The following NAV3 variants were observed in gnomAD, a reference collection of about 807,000 sequenced individuals.
The protein encoded by NAV3 is pore membrane and/or filament interacting like protein 1.
A neutral mutation model predicts 244.7 loss-of-function variants in NAV3; 87 were observed. That is an observed-to-expected ratio of 0.36 (90% CI 0.30 to 0.42). NAV3 has a LOEUF of 0.42. NAV3 is among the 20% of genes least tolerant of loss of function. The pLI, the probability that NAV3 is intolerant of heterozygous loss-of-function variation, is 1.00. For synonymous variants in NAV3, 1,126 were observed against 1,042.2 expected, an observed-to-expected ratio of 1.08 and a Z score of -1.55; for missense variants, 2,663 against 2,893.3, an observed-to-expected ratio of 0.92 and a Z score of 1.83.
intron 1 of NAV3, among the ~76,000 whole-genome samples, chr12:77,895,309 T>TTGTGTGTGTGTGTGTGTA (rs1555224958): frequency 2.7e-5 from 4 of 148,468 alleles, no homozygotes; most frequent in Admixed American, 2.7e-4. Flanking sequence ...TTTAGAATGA[T>TTGTGTGTGTGTGTGTGTA]TGTGTGTGTG....
intron 15 of NAV3, among the ~76,000 whole-genome samples, chr12:78,121,284 G>C (rs1955655927): frequency 6.6e-6 from 1 of 152,136 alleles, no homozygotes; most frequent in South Asian, 2.1e-4. Context: ...CACCAGCTCT[G>C]TTTCAAATCA....
chr12:77,748,202 A>G (rs1033615400), intron 2 of NAV3, among the ~76,000 whole-genome samples: 2 of 152,156 alleles, frequency 1.3e-5, no homozygotes, highest in African/African-American at 4.8e-5. Flanking sequence ...GTGATTTTAT[A>G]ATAAAATACA....
At chr12:78,078,293 C>T (rs1348616697) in intron 12 of NAV3, among the ~76,000 whole-genome samples, 1 of 148,090 alleles carries the variant, frequency 6.8e-6, no homozygotes, top group African/African-American at 2.5e-5. Flanking sequence ...CGATAACATT[C>T]TCATTCTCTT....
At chr12:77,932,695 C>G (rs1383351265) in intron 1 of NAV3, among the ~76,000 whole-genome samples, 1 of 152,078 alleles carries the variant, frequency 6.6e-6, no homozygotes, top group African/African-American at 2.4e-5. Context: ...AGTTTAGTAA[C>G]AGGAGCATGG....
At chr12:78,201,573 TA>T (rs984973260) in intron 38 of NAV3, among the ~76,000 whole-genome samples, 3 of 152,008 alleles carry the variant, frequency 2.0e-5, no homozygotes, top group Non-Finnish European at 4.4e-5. Context: ...AATGTATCAC[TA>T]AAAAAAATCC....
At chr12:77,692,919 T>C (rs1875104079) in intron 2 of NAV3, among the ~76,000 whole-genome samples, 1 of 152,134 alleles carries the variant, frequency 6.6e-6, no homozygotes, top group South Asian at 2.1e-4. Context: ...TGACCCAATA[T>C]GGGAGATCAG....
intron 18 of NAV3, among the ~76,000 whole-genome samples, chr12:78,136,556 A>G (rs1956381290): frequency 6.6e-6 from 1 of 152,192 alleles, no homozygotes; most frequent in Admixed American, 6.5e-5. Flanking sequence ...AACAGAGTAG[A>G]AAATCATTTC....
At chr12:78,058,738 G>A (rs957704757) in intron 11 of NAV3, among the ~76,000 whole-genome samples, 1 of 151,976 alleles carries the variant, frequency 6.6e-6, no homozygotes, top group African/African-American at 2.4e-5. Context: ...TAGGTTCTAT[G>A]GTAGGCTAGT....
At chr12:77,832,790 C>T (rs113033948) in intron 1 of NAV3, among the ~76,000 whole-genome samples, 2 of 152,108 alleles carry the variant, frequency 1.3e-5, no homozygotes, top group African/African-American at 4.8e-5. Flanking sequence ...TCGCCACTAC[C>T]CTTTCCAGCC....
intron 12 of NAV3, among the ~76,000 whole-genome samples, chr12:78,083,827 C>T (rs914484085): frequency 1.1e-4 from 17 of 152,268 alleles, no homozygotes; most frequent in African/African-American, 3.4e-4. Flanking sequence ...CGTCAGAATC[C>T]TAAATACTTG....
At chr12:78,154,293 ATATTACT>A (rs1225537766) in intron 22 of NAV3, among the ~76,000 whole-genome samples, 6 of 142,330 alleles carry the variant, frequency 4.2e-5, no homozygotes, top group Admixed American at 3.0e-4. Context: ...ATACTACTAT[ATATTACT>A]ATATAATATA....
At chr12:77,665,029 G>A (rs184498677) in intron 2 of NAV3, among the ~76,000 whole-genome samples, 16 of 152,268 alleles carry the variant, frequency 1.1e-4, no homozygotes, top group African/African-American at 3.8e-4. Flanking sequence ...CCCCTCGCCT[G>A]GCTAAAAATA....
chr12:77,974,484 G>A (rs1051672659), intron 5 of NAV3, among the ~76,000 whole-genome samples: 1 of 151,276 alleles, frequency 6.6e-6, no homozygotes, highest in African/African-American at 2.4e-5. Context: ...TTTTTGTGGA[G>A]ACATGGTTTC....
intron 2 of NAV3, among the ~76,000 whole-genome samples, chr12:77,698,649 G>A (rs1256262840): frequency 1.3e-5 from 2 of 152,150 alleles, no homozygotes; most frequent in Non-Finnish European, 2.9e-5. Context: ...TGGTCACCCA[G>A]AATATGTAGA....
chr12:77,700,502 A>G, intron 2 of NAV3, among the ~76,000 whole-genome samples: 1 of 152,166 alleles, frequency 6.6e-6, no homozygotes, highest in East Asian at 1.9e-4. Context: ...TCTAGTCTTC[A>G]TGATTTTAAA....
rs901516073 is a variant in NAV3, at chr12:77,690,575, T to G, written c.72+118309T>G. Among the ~76,000 whole-genome samples, 3 of 151,292 alleles carry G rather than the reference T, an allele frequency of 2.0e-5. No individual in the cohort carries two copies. The South Asian group carries it at 6.2e-4, about 31-fold the overall frequency. On this transcript the variant is annotated intron_variant, in intron 2 of 8. Transcript: ENST00000550042. ...CTCTACTGTAAATGGGGCAATATAATGAAATGAAAAGAATTAGGTTTTTGC... is the reference window on the plus strand; with the variant it reads ...CTCTACTGTAAATGGGGCAATATAAGGAAATGAAAAGAATTAGGTTTTTGC...
chr12:77,604,185 A>G (rs1354842738), intron 2 of NAV3, among the ~76,000 whole-genome samples: 1 of 152,094 alleles, frequency 6.6e-6, no homozygotes, highest in Non-Finnish European at 1.5e-5. Flanking sequence ...GAAACCATCA[A>G]TCATACCACC....
intron 2 of NAV3, among the ~76,000 whole-genome samples, chr12:77,723,537 T>A (rs1180265462): frequency 2.0e-5 from 3 of 151,864 alleles, no homozygotes; most frequent in Admixed American, 6.6e-5. Context: ...TCTGCCCAGA[T>A]ACAAATACAT....
At chr12:77,980,394 A>G (rs150093531) in intron 5 of NAV3, among the ~76,000 whole-genome samples, 19 of 152,342 alleles carry the variant, frequency 1.2e-4, no homozygotes, top group Admixed American at 4.6e-4. Flanking sequence ...ACAAATCTTC[A>G]CATACTTTAT....
Sources: allele counts gnomAD v4.1 joint callset (sites outside exome capture counted in the v4.1 genomes callset), GRCh38; gene constraint gnomAD v4.1.1; transcripts MANE v1.5; gene names NCBI Gene and HGNC (gene_info 2026-07-23, HGNC 2026-07-21).